The following KCTD20 variants were observed in gnomAD, a reference collection of about 807,000 sequenced individuals.
KCTD20 encodes the protein potassium channel tetramerization domain containing 20.
Under a neutral mutation model 39.6 loss-of-function variants are expected in KCTD20, and 30 were observed. The ratio of observed to expected loss-of-function variants is 0.76; its 90% CI spans 0.57 to 1.03. KCTD20 has a LOEUF of 1.03. Ranked by LOEUF, KCTD20 falls within the 50% of genes least tolerant of loss-of-function variation. KCTD20 has a pLI of 0.00. For missense variants in KCTD20, 422 were observed against 522.0 expected (o/e 0.81, Z 1.87); for synonymous variants, 162 against 180.6 (o/e 0.90, Z 0.83).
chr6:36,456,578 C>CTTTTTTT (rs58002986), intron 1 of KCTD20, among the ~76,000 whole-genome samples: 2 of 106,978 alleles, frequency 1.9e-5, no homozygotes, highest in African/African-American at 3.5e-5. Context: ...CACGCCCAGG[C>CTTTTTTT]TTTTTTTTTT....
In KCTD20 at chr6:36,481,727, A is replaced by G. The variant is rs370414424; in HGVS notation, c.824A>G (p.His275Arg). Residue 275 changes from histidine (H) to arginine (R), a missense_variant, in exon 6 of 8, where the codon CAC becomes CGC. Transcript: ENST00000373731. ...DEDSVDWDED[H>R]PPPMGEEYSQ... is the part of the protein sequence containing the mutation. ...GATTCTGTGGACTGGGATGAAGACCACCCTCCACCAATGGGGGAGGAATAT... is the reference window on the plus strand; with the variant it reads ...GATTCTGTGGACTGGGATGAAGACCGCCCTCCACCAATGGGGGAGGAATAT... The G allele has an allele frequency of 2.4e-5, 38 of 1,614,018 alleles. No homozygotes were observed. In the African/African-American group the frequency reaches 4.4e-4, roughly 19 times the overall value.
chr6:36,480,145 T>C (rs1262977244), intron 5 of KCTD20, among the ~76,000 whole-genome samples: 2 of 152,156 alleles, frequency 1.3e-5, no homozygotes, highest in Non-Finnish European at 2.9e-5. Context: ...TTGAAAATCT[T>C]CTGCAGAGGC....
chr6:36,456,578 C>CTTT (rs58002986), intron 1 of KCTD20, among the ~76,000 whole-genome samples: 13 of 106,958 alleles, frequency 1.2e-4, no homozygotes, highest in Non-Finnish European at 2.1e-4. Context: ...CACGCCCAGG[C>CTTT]TTTTTTTTTT....
intron 6 of KCTD20, among the ~76,000 whole-genome samples, chr6:36,482,009 G>A (rs1053570833): frequency 2.0e-5 from 3 of 152,068 alleles, no homozygotes; most frequent in Non-Finnish European, 2.9e-5. Flanking sequence ...AAATGATGGT[G>A]TCATTCTTCT....
At chr6:36,483,427 G>A (rs1776324102) in intron 6 of KCTD20, among the ~76,000 whole-genome samples, 2 of 151,984 alleles carry the variant, frequency 1.3e-5, no homozygotes, top group South Asian at 2.1e-4. Context: ...TGGCCAGGCT[G>A]GTCTCAAATT....
intron 3 of KCTD20, among the ~76,000 whole-genome samples, chr6:36,478,402 T>G (rs1776137566): frequency 6.6e-6 from 1 of 152,306 alleles, no homozygotes; most frequent in South Asian, 2.1e-4. Flanking sequence ...CTCTTCTCCC[T>G]GTACCCTCAT....
In KCTD20 at chr6:36,474,991, T is replaced by G; in HGVS notation, c.363T>G (p.Leu121=). 2 of 1,614,166 alleles carry G rather than the reference T, an allele frequency of 1.2e-6. No individual in the cohort carries two copies. Among genetic ancestry groups the G allele is most frequent in the Non-Finnish European group, 1.7e-6 (2 of 1,180,014 alleles). The change falls in exon 3 of 8, where the codon CTT becomes CTG. Residue 121 remains leucine, a synonymous_variant. Transcript: ENST00000373731. ...CCCAAGCACCAGAGAAAGTGACGCT[T>G]CTTGTAGATGGCACACGTTTTGTTG... ...SHSQAPEKVT[L]LVDGTRFVVN...
At chr6:36,486,844 C>G (rs1414800495) in intron 7 of KCTD20, 39 bp from the exon 8 acceptor site, 1 of 1,545,264 alleles carries the variant, frequency 6.5e-7, no homozygotes, top group Non-Finnish European at 8.9e-7. Context: ...AGAGTGAGCA[C>G]AATTTGTTAG....
At chr6:36,468,202 T>TA (rs1282589338) in intron 1 of KCTD20, among the ~76,000 whole-genome samples, 1 of 152,232 alleles carries the variant, frequency 6.6e-6, no homozygotes, top group Non-Finnish European at 1.5e-5. Flanking sequence ...TCCGTGGTGA[T>TA]ACCTACCCTG....
At chr6:36,449,409 T>C (rs6917981) in intron 1 of KCTD20, among the ~76,000 whole-genome samples, 29,606 of 151,726 alleles carry the variant, frequency 0.2, 3,053 homozygotes, top group East Asian at 0.39. Context: ...CACAGAGCGC[T>C]GATTCATGCG....
At chr6:36,482,504 G>A (rs1399501004) in intron 6 of KCTD20, among the ~76,000 whole-genome samples, 1 of 152,210 alleles carries the variant, frequency 6.6e-6, no homozygotes, top group African/African-American at 2.4e-5. Context: ...AGTGAGCCGA[G>A]ATCACGCCAT....
rs1466965183 is a variant in KCTD20, at chr6:36,490,870, A to G, written c.*3695A>G. On this transcript the variant is annotated 3_prime_UTR_variant, in exon 8 of 8. Coordinates refer to ENST00000373731, the MANE Select transcript of KCTD20 (RefSeq NM_173562.5). Reference sequence around the variant, plus strand: ...GTCAAGGGTTTGTAGTAATGTATTCAGTGCCACTTCTTGCCATCACTTTGC... The same window carrying G: ...GTCAAGGGTTTGTAGTAATGTATTCGGTGCCACTTCTTGCCATCACTTTGC... 3.3e-5 allele frequency: 5 copies of G among 152,214 alleles called. No homozygotes were observed. The highest frequency in any genetic ancestry group is 3.3e-4 in the Admixed American group (5 of 15,280). 9.4% of individuals were successfully genotyped at this position (152,214 alleles called of 1,614,324 possible). A position where few individuals can be genotyped will look rare whatever the true frequency, so the allele number is the denominator to read the frequency against.
chr6:36,457,231 A>G (rs575878145), intron 1 of KCTD20, among the ~76,000 whole-genome samples: 16 of 152,292 alleles, frequency 1.1e-4, no homozygotes, highest in African/African-American at 3.8e-4. Context: ...TGTGGGCTGT[A>G]TGCTATTCCT....
rs547396240 is a variant in KCTD20, at chr6:36,458,894, A to G, written c.-46-11158A>G. On this transcript the variant is annotated intron_variant, in intron 1 of 7. Coordinates refer to ENST00000373731, the MANE Select transcript of KCTD20 (RefSeq NM_173562.5). ...GTGGCATGTATCTGTGGTTCCAGCTACTTGGGAGGCTGAAGTGGGAGGATT... is the reference window on the plus strand; with the variant it reads ...GTGGCATGTATCTGTGGTTCCAGCTGCTTGGGAGGCTGAAGTGGGAGGATT... 1.8e-4 allele frequency among the ~76,000 whole-genome samples: 28 copies of G among 152,112 alleles called. 2 individuals carry two copies. In the South Asian group the frequency reaches 4.6e-3, roughly 25 times the overall value.
At chr6:36,448,916 G>C (rs1429301871) in intron 1 of KCTD20, among the ~76,000 whole-genome samples, 1 of 152,166 alleles carries the variant, frequency 6.6e-6, no homozygotes, top group African/African-American at 2.4e-5. Context: ...TTCTCAGTGA[G>C]TGTTACAGCT....
intron 1 of KCTD20, among the ~76,000 whole-genome samples, chr6:36,457,446 G>A (rs1775472433): frequency 2.0e-5 from 3 of 152,110 alleles, no homozygotes; most frequent in South Asian, 2.1e-4. Flanking sequence ...GGGGACTCAC[G>A]CCTATAATTC....
chr6:36,446,764 C>T (rs541788886), intron 1 of KCTD20, among the ~76,000 whole-genome samples: 31 of 152,248 alleles, frequency 2.0e-4, no homozygotes, highest in African/African-American at 3.1e-4. Context: ...GAAAGAATTA[C>T]GGATGAAGAA....
Position 36,487,239 on chromosome 6 carries a change from C to T in KCTD20, c.*64C>T. 1 of 1,521,492 alleles carries T rather than the reference C, an allele frequency of 6.6e-7. No individual in the cohort carries two copies. The highest frequency in any genetic ancestry group is 8.9e-7 in the Non-Finnish European group (1 of 1,122,062). 94.2% of individuals were successfully genotyped at this position (1,521,492 alleles called of 1,614,324 possible). A position where few individuals can be genotyped will look rare whatever the true frequency, so the allele number is the denominator to read the frequency against. Reference sequence around the variant, plus strand: ...ACCTGGGATGCCTGCAGCCAGCCCTCCCTCGTGATTTGTCTCACCTTGAGT... The same window carrying T: ...ACCTGGGATGCCTGCAGCCAGCCCTTCCTCGTGATTTGTCTCACCTTGAGT... On this transcript the variant is annotated 3_prime_UTR_variant, in exon 8 of 8. Transcript: ENST00000373731.
chr6:36,490,829 T>A lies in KCTD20; in HGVS notation c.*3654T>A, dbSNP rs937703288. ...CAGCCTGGATGACAGGGCAAGACCC[T>A]GTCTCAATATTTTAAGTCAAGGGTT... On this transcript the variant is annotated 3_prime_UTR_variant, in exon 8 of 8. Transcript: ENST00000373731. 3 of 152,158 alleles carry A rather than the reference T, an allele frequency of 2.0e-5. No homozygotes were observed. The highest frequency in any genetic ancestry group is 2.1e-4 in the South Asian group (1 of 4,834). The allele number at this position is 152,158 out of a possible 1,614,324, so 9.4% of individuals were successfully genotyped here. A position where few individuals can be genotyped will look rare whatever the true frequency, so the allele number is the denominator to read the frequency against.
Sources: allele counts gnomAD v4.1 joint callset (sites outside exome capture counted in the v4.1 genomes callset), GRCh38; gene constraint gnomAD v4.1.1; transcripts MANE v1.5; gene names NCBI Gene and HGNC (gene_info 2026-07-23, HGNC 2026-07-21).